TMEM221: variants seen among roughly 807,000 people sequenced by gnomAD.
TMEM221 encodes Putative transmembrane protein ENSP00000342162.
TMEM221 carries 11 observed loss-of-function variants against 10.2 expected under a neutral mutation model. That is an observed-to-expected ratio of 1.08 (90% CI 0.68 to 1.79). The LOEUF is 1.79. Ranked by LOEUF, TMEM221 falls within the 40% of genes most tolerant of loss-of-function variation. The probability of loss-of-function intolerance (pLI) is 0.00; values close to 1 mark genes in which losing one functional copy is unlikely to be tolerated. For synonymous variants in TMEM221, 172 were observed against 199.8 expected (o/e 0.86, Z 1.18); for missense variants, 382 against 417.7 (o/e 0.91, Z 0.75).
At position 17,444,753 on chromosome 19, in the gene TMEM221, CATATAA is replaced by C. The variant is rs1329123837; in HGVS notation, c.406+440_406+445del. The C allele has an allele frequency of 4.4e-5, 6 of 136,826 alleles. No individual in the cohort carries two copies. The South Asian group carries it at 6.8e-4, about 16-fold the overall frequency. The allele number at this position is 136,826 out of a possible 1,614,324, so 8.5% of individuals were successfully genotyped here. A position where few individuals can be genotyped will look rare whatever the true frequency, so the allele number is the denominator to read the frequency against. ...TTATATAAATATATATTAATATAAACATATAAATATAAATATATATTTATATATTTA... is the reference window on the plus strand; with the variant it reads ...TTATATAAATATATATTAATATAAACATATAAATATATATTTATATATTTA... On this transcript the variant is annotated intron_variant, in intron 2 of 2. Coordinates refer to ENST00000341130, the MANE Select transcript of TMEM221 (RefSeq NM_001190844.2).
At chr19:17,446,562 C>T (rs2074954016) in intron 1 of TMEM221, among the ~76,000 whole-genome samples, 2 of 152,092 alleles carry the variant, frequency 1.3e-5, no homozygotes, top group South Asian at 4.1e-4. Flanking sequence ...CCTCCTGTCC[C>T]CTTTTCAGCA....
intron 2 of TMEM221, chr19:17,444,914 G>T: frequency 5.6e-6 from 1 of 179,064 alleles, no homozygotes; most frequent in Non-Finnish European, 1.2e-5. Context: ...CATATTGCTG[G>T]GATTACAGAT....
intron 2 of TMEM221, among the ~76,000 whole-genome samples, chr19:17,440,418 G>C (rs1027017421): frequency 1.3e-4 from 20 of 151,942 alleles, no homozygotes; most frequent in Non-Finnish European, 2.4e-4. Context: ...GTAGAGATGG[G>C]GTTTCACCTT....
rs1233495255 is a variant in TMEM221, at chr19:17,436,675, T to C, written c.659A>G (p.Tyr220Cys). The C allele has an allele frequency of 3.3e-6, 5 of 1,535,336 alleles. No individual in the cohort carries two copies. In the South Asian group the frequency reaches 3.6e-5, roughly 11 times the overall value. Residue 220 changes from tyrosine to cysteine, a missense_variant, in exon 3 of 3, where the codon TAT (tyrosine) becomes TGT (cysteine). Tyr to Cys is a radical substitution (Grantham distance 194). Coordinates refer to ENST00000341130, the MANE Select transcript of TMEM221 (RefSeq NM_001190844.2). Reference sequence around the variant, plus strand: ...GTCCCCAGGCTCTGGACAGGTTGAATAGGGGGTCCGACGATGGATACCCTG... The same window carrying C: ...GTCCCCAGGCTCTGGACAGGTTGAACAGGGGGTCCGACGATGGATACCCTG... ...PQQGIHRRTPYSTCPEPGDPF... is the reference protein window; with the variant it reads ...PQQGIHRRTPCSTCPEPGDPF...
chr19:17,436,176 C>G lies in TMEM221; in HGVS notation c.*282G>C, dbSNP rs1374020640. 1 of 337,934 alleles carries G rather than the reference C, an allele frequency of 3.0e-6. No individual in the cohort carries two copies. The highest frequency in any genetic ancestry group is 4.8e-5 in the Admixed American group (1 of 20,858). 20.9% of individuals were successfully genotyped at this position (337,934 alleles called of 1,614,324 possible). The stretch of plus-strand genomic sequence containing the variant: ...TGCAGCAAGGTATGGCCATTTCGCT[C>G]TGTTCTGGCCAGTGGGATATAAAAA... On this transcript the variant is annotated 3_prime_UTR_variant, in exon 3 of 3. Transcript: ENST00000341130.
Position 17,448,108 on chromosome 19 carries a change from C to G in TMEM221, c.320+35G>C. 7.6e-7 allele frequency: 1 copy of G among 1,318,562 alleles called. No homozygotes were observed. Among genetic ancestry groups the G allele is most frequent in the Non-Finnish European group, 9.7e-7 (1 of 1,034,188 alleles). 81.7% of individuals were successfully genotyped at this position (1,318,562 alleles called of 1,614,324 possible). A position where few individuals can be genotyped will look rare whatever the true frequency, so the allele number is the denominator to read the frequency against. The stretch of plus-strand genomic sequence containing the variant: ...TCAACCAGGCTCACCCAGCCCCCAG[C>G]CGGGCCTCCGAGGCGGTGAGGCCAG... On this transcript the variant is annotated intron_variant, in intron 1 of 2. Transcript: ENST00000341130. This position sits in a 1 kb window ranked among gnomAD's most constrained non-coding sequence, Gnocchi z 4.7.
Position 17,436,354 on chromosome 19 carries a change from T to C in TMEM221, c.*104A>G, listed in dbSNP as rs1246237036. On this transcript the variant is annotated 3_prime_UTR_variant, in exon 3 of 3. Coordinates refer to ENST00000341130, the MANE Select transcript of TMEM221 (RefSeq NM_001190844.2). Reference sequence around the variant, plus strand: ...TTGAGGACAAAAGCCAAGGATGCAATAAAATGAGAGAAAAATCAAGTCCTA... The same window carrying C: ...TTGAGGACAAAAGCCAAGGATGCAACAAAATGAGAGAAAAATCAAGTCCTA... 8 of 1,169,368 alleles carry C rather than the reference T, an allele frequency of 6.8e-6. No individual in the cohort carries two copies. The highest frequency in any genetic ancestry group is 9.2e-6 in the Non-Finnish European group (8 of 874,180). 72.4% of individuals were successfully genotyped at this position (1,169,368 alleles called of 1,614,324 possible). A position where few individuals can be genotyped will look rare whatever the true frequency, so the allele number is the denominator to read the frequency against.
At chr19:17,437,923 CTTTT>C (rs71336612) in intron 2 of TMEM221, among the ~76,000 whole-genome samples, 3 of 85,092 alleles carry the variant, frequency 3.5e-5, no homozygotes, top group African/African-American at 1.1e-4. Context: ...TCTTGTTCTT[CTTTT>C]TTTTTTTTTG....
At chr19:17,443,968 T>C (rs1335601855) in intron 2 of TMEM221, among the ~76,000 whole-genome samples, 1 of 138,894 alleles carries the variant, frequency 7.2e-6, no homozygotes, top group Non-Finnish European at 1.6e-5. Context: ...CGTTCCAGCA[T>C]CTGGGGTATC....
At chr19:17,447,895 C>T (rs1355256801) in intron 1 of TMEM221, among the ~76,000 whole-genome samples, 1 of 152,212 alleles carries the variant, frequency 6.6e-6, no homozygotes, top group Non-Finnish European at 1.5e-5. Context: ...CCTCAGTTTC[C>T]TCATCTGCAA....
At position 17,448,626 on chromosome 19, in the gene TMEM221, C is replaced by A; in HGVS notation, c.-164G>T. Reference sequence around the variant, plus strand: ...ACTGGGCTGGGGGTCGCCAGACGGACGGGGGCTCCGGGGTGCTGGTCGCAG... The same window carrying A: ...ACTGGGCTGGGGGTCGCCAGACGGAAGGGGGCTCCGGGGTGCTGGTCGCAG... On this transcript the variant is annotated 5_prime_UTR_variant, in exon 1 of 3. Coordinates refer to ENST00000341130, the MANE Select transcript of TMEM221 (RefSeq NM_001190844.2). The surrounding 1 kb of genome is among the most constrained non-coding windows in gnomAD (Gnocchi z 4.7). 1 of 407,612 alleles carries A rather than the reference C, an allele frequency of 2.5e-6. No individual in the cohort carries two copies. Among genetic ancestry groups the A allele is most frequent in the Non-Finnish European group, 4.2e-6 (1 of 238,864 alleles). The allele number at this position is 407,612 out of a possible 1,614,324, so 25.2% of individuals were successfully genotyped here.
chr19:17,436,431 C>T lies in TMEM221; in HGVS notation c.*27G>A, dbSNP rs2144495546. 2 of 1,464,980 alleles carry T rather than the reference C, an allele frequency of 1.4e-6. No homozygotes were observed. Among genetic ancestry groups the T allele is most frequent in the Non-Finnish European group, 1.8e-6 (2 of 1,105,196 alleles). The allele number at this position is 1,464,980 out of a possible 1,614,324, so 90.7% of individuals were successfully genotyped here. On this transcript the variant is annotated 3_prime_UTR_variant, in exon 3 of 3. Coordinates refer to ENST00000341130, the MANE Select transcript of TMEM221 (RefSeq NM_001190844.2). ...ATCTCTATGGTATCCTTTTCTTACA[C>T]CAGGTCTCTATTCCTCATCCCTGGG... is the stretch of plus-strand genomic sequence containing the variant.
At chr19:17,446,468 T>G (rs1049808339) in intron 1 of TMEM221, among the ~76,000 whole-genome samples, 1 of 152,018 alleles carries the variant, frequency 6.6e-6, no homozygotes, top group Admixed American at 6.6e-5. Context: ...GAGGAGGAAG[T>G]GGAGGCTATA....
chr19:17,436,582 G>C lies in TMEM221; in HGVS notation c.752C>G (p.Pro251Arg), dbSNP rs2074909603. ...CAGTGTCCGGTGCATTCTGGATGCA[G>C]GCAGGCTGCTCTCCCAGCCTCCCTC... ...ALEGGWESSLPASRMHRTLSA... is the reference protein window; with the variant it reads ...ALEGGWESSLRASRMHRTLSA... Residue 251 changes from proline (P) to arginine (R), a missense_variant, in exon 3 of 3, where the codon CCT becomes CGT. Transcript: ENST00000341130. 6.5e-7 allele frequency: 1 copy of C among 1,536,148 alleles called. No individual in the cohort carries two copies. Among genetic ancestry groups the C allele is most frequent in the Non-Finnish European group, 8.7e-7 (1 of 1,146,900 alleles).
At chr19:17,442,380 T>A (rs150976173) in intron 2 of TMEM221, among the ~76,000 whole-genome samples, 61 of 151,528 alleles carry the variant, frequency 4.0e-4, no homozygotes, top group African/African-American at 1.5e-3. Context: ...GCCTTCAGCC[T>A]CCTGAGTAGC....
intron 2 of TMEM221, chr19:17,444,766 ATATATATT>A (rs1052318509): frequency 5.0e-5 from 7 of 139,646 alleles, no homozygotes; most frequent in African/African-American, 1.6e-4. Flanking sequence ...ATAAATATAA[ATATATATT>A]TATATATTTA....
chr19:17,440,742 G>A (rs75757619), intron 2 of TMEM221, among the ~76,000 whole-genome samples: 1,771 of 152,136 alleles, frequency 0.012, 33 homozygotes, highest in African/African-American at 0.041. Context: ...CAGCTCTCAG[G>A]GTCCTGCATC....
At position 17,436,681 on chromosome 19, in the gene TMEM221, G is replaced by T. The variant is rs1211829897; in HGVS notation, c.653C>A (p.Thr218Asn). The T allele has an allele frequency of 3.3e-6, 5 of 1,535,016 alleles. No individual in the cohort carries two copies. The highest frequency in any genetic ancestry group is 1.2e-5 in the South Asian group (1 of 83,946). The stretch of plus-strand genomic sequence containing the variant: ...AGGCTCTGGACAGGTTGAATAGGGG[G>T]TCCGACGATGGATACCCTGCTGAGG... ...AQPQQGIHRRTPYSTCPEPGD... is the reference protein window; with the variant it reads ...AQPQQGIHRRNPYSTCPEPGD... Residue 218 changes from threonine to asparagine, a missense_variant, in exon 3 of 3, where the codon ACC becomes AAC. Thr to Asn is a moderately conservative substitution (Grantham distance 65). Coordinates refer to ENST00000341130, the MANE Select transcript of TMEM221 (RefSeq NM_001190844.2).
chr19:17,440,862 T>C (rs994039082), intron 2 of TMEM221, among the ~76,000 whole-genome samples: 1 of 152,024 alleles, frequency 6.6e-6, no homozygotes, highest in Non-Finnish European at 1.5e-5. Context: ...TTGGGGGGCA[T>C]TGAGAGATTC....
Sources: allele counts gnomAD v4.1 joint callset (sites outside exome capture counted in the v4.1 genomes callset), GRCh38; gene constraint gnomAD v4.1.1; non-coding constraint Gnocchi (gnomAD v3.1); transcripts MANE v1.5; gene names NCBI Gene and HGNC (gene_info 2026-07-23, HGNC 2026-07-21).